VAT1L: variants seen among roughly 807,000 people sequenced by gnomAD.
VAT1L encodes the protein vesicle amine transport 1 like.
A neutral mutation model predicts 44.1 loss-of-function variants in VAT1L; 34 were observed. That is an observed-to-expected ratio of 0.77 (90% CI 0.59 to 1.03). VAT1L has a LOEUF of 1.03. VAT1L is among the 50% of genes least tolerant of loss of function. VAT1L has a pLI of 0.00. For missense variants in VAT1L, 615 were observed against 538.8 expected (o/e 1.14, Z -1.40); for synonymous variants, 253 against 202.2 (o/e 1.25, Z -2.13).
rs148626668 is a variant in VAT1L at position 77,937,045 on chromosome 16, C to T, written c.1078-34805C>T. 2.6e-3 allele frequency among the ~76,000 whole-genome samples: 401 copies of T among 152,224 alleles called. 3 individuals carry two copies. Among genetic ancestry groups the T allele is most frequent in the African/African-American group, 8.8e-3 (367 of 41,528 alleles). On this transcript the variant is annotated intron_variant, in intron 7 of 8. Coordinates refer to ENST00000302536, the MANE Select transcript of VAT1L (RefSeq NM_020927.3). ...GATTACAGGTGCATGCCACCACGCC[C>T]GGCTAACTTTTTATTTTTAGTAGAG...
In VAT1L at chr16:77,902,963, ACT is replaced by A. The variant is rs1346596105; in HGVS notation, c.1077+18164_1077+18165del. On this transcript the variant is annotated intron_variant, in intron 7 of 8. Transcript: ENST00000302536. ...ACTCCGGCCTGGGCCACAGAGGGAG[ACT>A]CTGTCTGAAAAAAAAAAAAAAAAAA... Among the ~76,000 whole-genome samples, 4 of 135,300 alleles carry A rather than the reference ACT, an allele frequency of 3.0e-5. No individual in the cohort carries two copies. The South Asian group carries it at 7.3e-4, about 25-fold the overall frequency. 88.8% of individuals were successfully genotyped at this position (135,300 alleles called of 152,430 possible).
At position 77,872,195 on chromosome 16, in the gene VAT1L, A is replaced by G. The variant is rs147655963; in HGVS notation, c.723-4175A>G. Among the ~76,000 whole-genome samples, 367 of 152,190 alleles carry G rather than the reference A, an allele frequency of 2.4e-3. 1 individual carries two copies. Among genetic ancestry groups the G allele is most frequent in the Middle Eastern group, 0.02 (6 of 294 alleles). On this transcript the variant is annotated intron_variant, in intron 4 of 8. Transcript: ENST00000302536. ...TGCTTAACACTGAAATAAAATGTAT[A>G]TTCCTAAGCCCAGTACTGTGTTGCC... is the stretch of plus-strand genomic sequence containing the variant.
At chr16:77,933,718 T>C (rs2017758992) in intron 7 of VAT1L, among the ~76,000 whole-genome samples, 1 of 152,052 alleles carries the variant, frequency 6.6e-6, no homozygotes, top group Non-Finnish European at 1.5e-5. Flanking sequence ...GATTAACAAG[T>C]GCAAAGGCCC....
intron 7 of VAT1L, among the ~76,000 whole-genome samples, chr16:77,933,849 G>T (rs1054201804): frequency 6.6e-6 from 1 of 152,340 alleles, no homozygotes; most frequent in Admixed American, 6.5e-5. Flanking sequence ...ATGGCACATA[G>T]CCTAGGTCAG....
At chr16:77,945,731 C>A (rs2017953036) in intron 7 of VAT1L, among the ~76,000 whole-genome samples, 1 of 151,398 alleles carries the variant, frequency 6.6e-6, no homozygotes, top group African/African-American at 2.4e-5. Context: ...GTTGTCTTTT[C>A]TTTCAGTATT....
intron 3 of VAT1L, among the ~76,000 whole-genome samples, chr16:77,838,162 G>A (rs2016660682): frequency 6.6e-6 from 1 of 152,126 alleles, no homozygotes; most frequent in African/African-American, 2.4e-5. Flanking sequence ...TGGCCCCTTG[G>A]ATACATGCTG....
At chr16:77,803,982 G>A (rs550754645) in intron 1 of VAT1L, among the ~76,000 whole-genome samples, 1 of 152,246 alleles carries the variant, frequency 6.6e-6, no homozygotes, top group Admixed American at 6.5e-5. Context: ...TACCCTCTCT[G>A]TGCTAGCTGT....
At chr16:77,908,827 C>CT (rs2017468396) in intron 7 of VAT1L, among the ~76,000 whole-genome samples, 3 of 151,420 alleles carry the variant, frequency 2.0e-5, no homozygotes, top group Admixed American at 1.3e-4. Flanking sequence ...GGCAGGAGCA[C>CT]GGCGTGAACC....
intron 7 of VAT1L, among the ~76,000 whole-genome samples, chr16:77,925,558 C>G (rs1000056056): frequency 2.0e-5 from 3 of 152,192 alleles, no homozygotes; most frequent in African/African-American, 7.2e-5. Flanking sequence ...ATTATTTCAG[C>G]TTTCCACGTT....
chr16:77,952,794 T>A (rs907098816), intron 7 of VAT1L, among the ~76,000 whole-genome samples: 2 of 143,134 alleles, frequency 1.4e-5, no homozygotes, highest in East Asian at 4.1e-4. Context: ...GAGGCAGAGG[T>A]TGCACTGAGC....
chr16:77,849,520 T>C (rs527792233), intron 3 of VAT1L, among the ~76,000 whole-genome samples: 1 of 152,274 alleles, frequency 6.6e-6, no homozygotes, highest in African/African-American at 2.4e-5. Context: ...TGGTAAACAA[T>C]ATTAACAGTG....
chr16:77,874,259 G>A (rs1237445621), intron 4 of VAT1L, among the ~76,000 whole-genome samples: 2 of 152,070 alleles, frequency 1.3e-5, no homozygotes, highest in Non-Finnish European at 1.5e-5. Flanking sequence ...TGACTTGATG[G>A]CTCAGGAGGG....
chr16:77,968,232 G>A (rs72798804), intron 7 of VAT1L, among the ~76,000 whole-genome samples: 12,196 of 152,060 alleles, frequency 0.08, 643 homozygotes, highest in African/African-American at 0.15. Context: ...ACAGGAAAGG[G>A]GTCCTGATCC....
At chr16:77,882,472 A>G (rs1016805461) in intron 6 of VAT1L, 2 of 152,252 alleles carry the variant, frequency 1.3e-5, no homozygotes, top group Non-Finnish European at 2.9e-5. Context: ...GTATGTTTAT[A>G]GAGCACCTCA....
intron 7 of VAT1L, among the ~76,000 whole-genome samples, chr16:77,943,215 C>T (rs1175776262): frequency 6.6e-6 from 1 of 150,844 alleles, no homozygotes; most frequent in Non-Finnish European, 1.5e-5. Context: ...CACCACCACA[C>T]CCAGCTAATT....
chr16:77,947,395 T>G (rs901856212), intron 7 of VAT1L, among the ~76,000 whole-genome samples: 13 of 152,150 alleles, frequency 8.5e-5, no homozygotes, highest in African/African-American at 3.1e-4. Flanking sequence ...AAAGATCAAG[T>G]GGGTTTTAAC....
At chr16:77,875,029 G>T (rs12448404) in intron 4 of VAT1L, among the ~76,000 whole-genome samples, 35,829 of 152,014 alleles carry the variant, frequency 0.24, 5,062 homozygotes, top group East Asian at 0.39. Flanking sequence ...AGTAAACCCT[G>T]CAGGTTATTA....
At chr16:77,932,932 G>A (rs1490591122) in intron 7 of VAT1L, among the ~76,000 whole-genome samples, 1 of 152,204 alleles carries the variant, frequency 6.6e-6, no homozygotes, top group Non-Finnish European at 1.5e-5. Context: ...GAAACAGAGG[G>A]ACATTGGTAT....
chr16:77,818,554 G>A (rs57122249), intron 2 of VAT1L, among the ~76,000 whole-genome samples: 1 of 152,058 alleles, frequency 6.6e-6, no homozygotes, highest in Non-Finnish European at 1.5e-5. Context: ...AGCTCACTCC[G>A]TTAACCCCAA....
Sources: allele counts gnomAD v4.1 joint callset (sites outside exome capture counted in the v4.1 genomes callset), GRCh38; gene constraint gnomAD v4.1.1; transcripts MANE v1.5; gene names NCBI Gene and HGNC (gene_info 2026-07-23, HGNC 2026-07-21).